Variants in GOLM2 observed in about 807,000 individuals in gnomAD.
GOLM2 encodes the protein protein GOLM2.
GOLM2 carries 26 observed loss-of-function variants against 55.9 expected under a neutral mutation model. The ratio of observed to expected loss-of-function variants is 0.47; its 90% CI spans 0.34 to 0.65. GOLM2 has a LOEUF of 0.65. Ranked by LOEUF, GOLM2 falls within the 30% of genes least tolerant of loss-of-function variation. GOLM2 has a pLI of 0.01. For missense variants in GOLM2, 486 were observed against 531.8 expected (o/e 0.91, Z 0.85); for synonymous variants, 165 against 194.6 (o/e 0.85, Z 1.27).
At chr15:44,365,853 G>A (rs186182627) in intron 6 of GOLM2, among the ~76,000 whole-genome samples, 3 of 152,280 alleles carry the variant, frequency 2.0e-5, no homozygotes, top group African/African-American at 7.2e-5. Context: ...TGATTACAGT[G>A]TGCCAGTGTA....
intron 6 of GOLM2, among the ~76,000 whole-genome samples, chr15:44,353,553 A>G (rs1218589637): frequency 6.6e-6 from 1 of 152,214 alleles, no homozygotes; most frequent in Non-Finnish European, 1.5e-5. Context: ...GATGATGGAT[A>G]AGGAAAATGT....
chr15:44,379,863 A>G (rs2079390791), intron 7 of GOLM2, 75 bp downstream of exon 7: 2 of 814,700 alleles, frequency 2.5e-6, no homozygotes, highest in East Asian at 5.1e-5. Context: ...TGTATAAAAT[A>G]TATCACTTAG....
chr15:44,356,149 A>T (rs1445183428), intron 6 of GOLM2, among the ~76,000 whole-genome samples: 1 of 152,114 alleles, frequency 6.6e-6, no homozygotes, highest in Non-Finnish European at 1.5e-5. Flanking sequence ...AAAATCAGTC[A>T]TTTAAGTTTC....
intron 9 of GOLM2, among the ~76,000 whole-genome samples, chr15:44,406,064 G>GGTTT (rs1322677204): frequency 6.6e-6 from 1 of 152,172 alleles, no homozygotes; most frequent in Non-Finnish European, 1.5e-5. Context: ...TTCCCAGTAT[G>GGTTT]GTTTGCACTT....
rs143160731 is a variant in GOLM2, at chr15:44,317,913, A to G, written c.328-5052A>G. Among the ~76,000 whole-genome samples the G allele has an allele frequency of 1.9e-3, 295 of 152,328 alleles. 1 individual carries two copies. Among genetic ancestry groups the G allele is most frequent in the African/African-American group, 6.7e-3 (279 of 41,576 alleles). Reference sequence around the variant, plus strand: ...GATGTTTCTCCTTTTACGCCTGTATATAATCAATTCCACAAGACTATTCTT... The same window carrying G: ...GATGTTTCTCCTTTTACGCCTGTATGTAATCAATTCCACAAGACTATTCTT... On this transcript the variant is annotated intron_variant, in intron 1 of 9. Coordinates refer to ENST00000299957, the MANE Select transcript of GOLM2 (RefSeq NM_138423.4).
chr15:44,367,211 C>CTTT (rs757974081), intron 6 of GOLM2, among the ~76,000 whole-genome samples: 1 of 130,516 alleles, frequency 7.7e-6, no homozygotes, highest in Non-Finnish European at 1.7e-5. Flanking sequence ...CTGTCTGGCC[C>CTTT]TTTTTTTTTT....
chr15:44,335,353 A>G (rs1239112727), intron 4 of GOLM2, among the ~76,000 whole-genome samples: 1 of 152,220 alleles, frequency 6.6e-6, no homozygotes, highest in African/African-American at 2.4e-5. Flanking sequence ...TTACATCTAG[A>G]AAAGCATCTT....
intron 6 of GOLM2, among the ~76,000 whole-genome samples, chr15:44,373,927 C>T (rs570868798): frequency 6.6e-6 from 1 of 152,092 alleles, no homozygotes; most frequent in East Asian, 1.9e-4. Context: ...ATGGTGAAAC[C>T]CTGTTTCTAC....
intron 8 of GOLM2, among the ~76,000 whole-genome samples, chr15:44,392,019 T>G (rs916775460): frequency 6.6e-6 from 1 of 151,840 alleles, no homozygotes; most frequent in African/African-American, 2.4e-5. Context: ...CCCTGCTAAT[T>G]TTGTATTTTT....
intron 9 of GOLM2, among the ~76,000 whole-genome samples, chr15:44,403,319 C>T (rs1051752659): frequency 6.6e-6 from 1 of 152,060 alleles, no homozygotes; most frequent in Non-Finnish European, 1.5e-5. Flanking sequence ...TGCACCACCA[C>T]GCCTGGCTAA....
rs112834431 is a variant in GOLM2, at chr15:44,371,190, C to T, written c.803-8500C>T. Among the ~76,000 whole-genome samples the T allele has an allele frequency of 5.6e-3, 860 of 152,314 alleles. 5 individuals carry two copies. The highest frequency in any genetic ancestry group is 8.8e-3 in the Non-Finnish European group (597 of 68,018). On this transcript the variant is annotated intron_variant, in intron 6 of 9. Coordinates refer to ENST00000299957, the MANE Select transcript of GOLM2 (RefSeq NM_138423.4). ...GCCAAACTCTGATGATCTCTGTCTC[C>T]TCTGCTCACAAAGACTGCCTATTCA...
intron 2 of GOLM2, among the ~76,000 whole-genome samples, chr15:44,327,853 A>G (rs2078995230): frequency 6.6e-6 from 1 of 152,212 alleles, no homozygotes; most frequent in Non-Finnish European, 1.5e-5. Context: ...CATTTCCACT[A>G]AAAAAATTCA....
intron 6 of GOLM2, among the ~76,000 whole-genome samples, chr15:44,358,195 AAT>A (rs2079210516): frequency 7.2e-5 from 11 of 152,178 alleles, no homozygotes; most frequent in Admixed American, 7.2e-4. Flanking sequence ...CTCTACTGAA[AAT>A]ACAAAAATTA....
At chr15:44,321,606 A>G (rs2078950348) in intron 1 of GOLM2, among the ~76,000 whole-genome samples, 1 of 152,164 alleles carries the variant, frequency 6.6e-6, no homozygotes, top group Non-Finnish European at 1.5e-5. Context: ...CTATACATTC[A>G]TATTGTACCA....
At position 44,289,148 on chromosome 15, in the gene GOLM2, T is replaced by C. The variant is rs750219954; in HGVS notation, c.119T>C (p.Val40Ala). The change falls in exon 1 of 10, where the codon GTC becomes GCC. Residue 40 changes from valine to alanine, a missense_variant. Physicochemically the swap from Val to Ala is moderately conservative, Grantham distance 64. Transcript: ENST00000299957. This position sits in a 1 kb window ranked among gnomAD's most constrained non-coding sequence, Gnocchi z 4.8. ...FNYWSISSRH[V>A]LLQEEVAELQ... ...TACTGGAGCATCTCCTCCCGCCACG[T>C]CCTGCTTCAGGAGGAGGTGGCCGAG... 7 of 1,614,132 alleles carry C rather than the reference T, an allele frequency of 4.3e-6. No individual in the cohort carries two copies. Among genetic ancestry groups the C allele is most frequent in the Non-Finnish European group, 5.9e-6 (7 of 1,180,008 alleles).
chr15:44,336,393 A>G (rs926863115), intron 4 of GOLM2, among the ~76,000 whole-genome samples: 1 of 151,956 alleles, frequency 6.6e-6, no homozygotes, highest in African/African-American at 2.4e-5. Flanking sequence ...CTGGGATTAC[A>G]GGCATGAGCC....
chr15:44,328,935 T>C, intron 3 of GOLM2, 148 bp downstream of exon 3: 1 of 532,078 alleles, frequency 1.9e-6, no homozygotes, highest in Non-Finnish European at 3.2e-6. Flanking sequence ...TTCTATTATC[T>C]TTCTTTAGCT....
intron 6 of GOLM2, among the ~76,000 whole-genome samples, chr15:44,358,146 G>A (rs1008637574): frequency 1.3e-5 from 2 of 152,182 alleles, no homozygotes; most frequent in Admixed American, 6.5e-5. Flanking sequence ...CTGAGGCCAG[G>A]AGTTTGAGAC....
intron 6 of GOLM2, among the ~76,000 whole-genome samples, chr15:44,358,436 G>A (rs1464934395): frequency 1.3e-5 from 2 of 152,150 alleles, no homozygotes; most frequent in South Asian, 2.1e-4. Context: ...AAAGTTGGAC[G>A]ACTGATGCTA....
Sources: gnomAD v4.1 joint callset for allele counts (sites outside exome capture counted in the v4.1 genomes callset) on GRCh38, gnomAD v4.1.1 for gene constraint, Gnocchi (gnomAD v3.1) non-coding constraint, MANE v1.5 for transcripts, NCBI Gene and HGNC (gene_info 2026-07-23, HGNC 2026-07-21) for gene names.